GLB1: variants seen among roughly 807,000 people sequenced by gnomAD.
GLB1 encodes the protein beta-galactosidase.
Under a neutral mutation model 74.0 loss-of-function variants are expected in GLB1, and 56 were observed. The ratio of observed to expected loss-of-function variants is 0.76; its 90% CI spans 0.61 to 0.94. The LOEUF is 0.94. GLB1 is among the 40% of genes least tolerant of loss of function. The pLI, the probability that GLB1 is intolerant of heterozygous loss-of-function variation, is 0.00. For missense variants in GLB1, 787 were observed against 845.5 expected (o/e 0.93, Z 0.86); for synonymous variants, 323 against 323.6 (o/e 1.00, Z 0.02).
At position 33,021,392 on chromosome 3, in the gene GLB1, C is replaced by A. The variant is rs13093517; in HGVS notation, c.1233+174G>T. On this transcript the variant is annotated intron_variant, in intron 12 of 15. Coordinates refer to ENST00000307363, the MANE Select transcript of GLB1 (RefSeq NM_000404.4). Reference sequence around the variant, plus strand: ...AAAAAATATAGGCATGATCAGCCCACCACGCAGCACTTCAAGCTAAAGAGA... The same window carrying A: ...AAAAAATATAGGCATGATCAGCCCAACACGCAGCACTTCAAGCTAAAGAGA... 229,782 of 739,456 alleles carry A rather than the reference C, an allele frequency of 0.31. 38,340 individuals are homozygous for A. Among genetic ancestry groups the A allele is most frequent in the Non-Finnish European group, 0.36 (157,621 of 441,574 alleles). 45.8% of individuals were successfully genotyped at this position (739,456 alleles called of 1,614,324 possible).
In GLB1 at chr3:33,014,198, T is replaced by C; in HGVS notation, c.1592A>G (p.Asp531Gly). 1 of 1,614,148 alleles carries C rather than the reference T, an allele frequency of 6.2e-7. No individual in the cohort carries two copies. Among genetic ancestry groups the C allele is most frequent in the Middle Eastern group, 1.6e-4 (1 of 6,062 alleles). The change falls in exon 15 of 16, where the codon GAC (aspartate) becomes GGC (glycine). Residue 531 changes from aspartate to glycine, a missense_variant. Physicochemically the swap from Asp to Gly is moderately conservative, Grantham distance 94. Transcript: ENST00000307363. ...CCAGGCTTCATCATGGTGGCCACTG[T>C]CACGGTGTCCCCAGCCCCCCAGGTG... ...CSHLGGWGHR[D>G]SGHHDEAWAH...
At chr3:33,008,301 G>A (rs1339780359) in intron 15 of GLB1, among the ~76,000 whole-genome samples, 1 of 152,130 alleles carries the variant, frequency 6.6e-6, no homozygotes, top group Non-Finnish European at 1.5e-5. Flanking sequence ...CTGAAAAATG[G>A]GACTCGGCAG....
At chr3:33,025,033 C>T (rs2125480347) in intron 10 of GLB1, among the ~76,000 whole-genome samples, 1 of 152,164 alleles carries the variant, frequency 6.6e-6, no homozygotes, top group Admixed American at 6.5e-5. Context: ...GCAACCTCTG[C>T]CTCCCGGGTT....
chr3:32,986,162 GCT>G, the GLB1 span, among the ~76,000 whole-genome samples: 1 of 152,250 alleles, frequency 6.6e-6, no homozygotes, highest in South Asian at 2.1e-4. Context: ...GGCGGTAGCT[GCT>G]CTGTCGGCTG....
Position 33,093,460 on chromosome 3 carries a change from C to G in GLB1, c.75+3551G>C, listed in dbSNP as rs1299213045. The G allele has an allele frequency of 6.2e-7, 1 of 1,614,004 alleles. No individual in the cohort carries two copies. The highest frequency in any genetic ancestry group is 8.5e-7 in the Non-Finnish European group (1 of 1,180,042). On this transcript the variant is annotated intron_variant, in intron 1 of 15. Coordinates refer to ENST00000307363, the MANE Select transcript of GLB1 (RefSeq NM_000404.4). The surrounding 1 kb of genome is among the most constrained non-coding windows in gnomAD (Gnocchi z 6.0). ...ACCGAGGCTTCTGAGTCGGAGAGGT[C>G]ACCCACAATCACCGTGATGTCTGGT... is the stretch of plus-strand genomic sequence containing the variant.
At chr3:33,020,008 C>T (rs572724713) in intron 12 of GLB1, among the ~76,000 whole-genome samples, 37 of 152,322 alleles carry the variant, frequency 2.4e-4, no homozygotes, top group Admixed American at 9.2e-4. Context: ...TGAGAAAGAA[C>T]AATGGCTGCA....
At chr3:33,042,698 C>G (rs1242792076) in intron 10 of GLB1, among the ~76,000 whole-genome samples, 1 of 152,182 alleles carries the variant, frequency 6.6e-6, no homozygotes, top group Non-Finnish European at 1.5e-5. Context: ...ATTTACTGGG[C>G]TCCAGCCACA....
In GLB1 at chr3:33,065,550, C is replaced by T; in HGVS notation, c.465G>A (p.Leu155=). 1 of 1,574,558 alleles carries T rather than the reference C, an allele frequency of 6.4e-7. No individual in the cohort carries two copies. Among genetic ancestry groups the T allele is most frequent in the Non-Finnish European group, 8.6e-7 (1 of 1,156,792 alleles). The part of the protein sequence containing the change: ...ILLRSSDPDY[L]AAVDKWLGVL... ...CTCCCAACCACTTGTCCACAGCTGC[C>T]AGGTAATCTGGAAAACAAGAAAAGT... The change falls in exon 5 of 16, where the codon CTG becomes CTA. Residue 155 remains leucine (L), a synonymous_variant. Coordinates refer to ENST00000307363, the MANE Select transcript of GLB1 (RefSeq NM_000404.4).
At chr3:32,975,114 C>G in the GLB1 span, among the ~76,000 whole-genome samples, 1 of 152,150 alleles carries the variant, frequency 6.6e-6, no homozygotes, top group East Asian at 1.9e-4. Flanking sequence ...CGGGGTCTCA[C>G]TCTGTCACTC....
chr3:32,966,554 A>T, the GLB1 span, among the ~76,000 whole-genome samples: 1 of 152,108 alleles, frequency 6.6e-6, no homozygotes, highest in Non-Finnish European at 1.5e-5. Context: ...TTGGACTTGG[A>T]CTTTTGCATT....
chr3:33,079,819 T>C (rs949861229), intron 1 of GLB1, among the ~76,000 whole-genome samples: 2 of 152,208 alleles, frequency 1.3e-5, no homozygotes, highest in Non-Finnish European at 2.9e-5. Context: ...TCTTGCTCAG[T>C]TGCTCTGGCT....
rs1700889397 is a variant in GLB1 at position 33,093,985 on chromosome 3, G to A, written c.75+3026C>T. ...GACTCTGCAGCTGGGGAGTGGCAGA[G>A]GTTGCTCACTGTGCTGCGCCAAATG... On this transcript the variant is annotated intron_variant, in intron 1 of 15. Transcript: ENST00000307363. The surrounding 1 kb of genome is among the most constrained non-coding windows in gnomAD (Gnocchi z 6.0). 6.2e-7 allele frequency: 1 copy of A among 1,614,072 alleles called. No homozygotes were observed.
the GLB1 span, among the ~76,000 whole-genome samples, chr3:32,986,929 C>G: frequency 6.6e-6 from 1 of 152,164 alleles, no homozygotes; most frequent in East Asian, 1.9e-4. Context: ...CCCTACTGTT[C>G]ACCTGACCAA....
the GLB1 span, among the ~76,000 whole-genome samples, chr3:32,987,014 T>G: frequency 6.6e-6 from 1 of 152,214 alleles, no homozygotes; most frequent in African/African-American, 2.4e-5. Flanking sequence ...CTTTCCTTTA[T>G]GGACTGGTGT....
the GLB1 span, among the ~76,000 whole-genome samples, chr3:32,967,479 G>T: frequency 1.3e-5 from 2 of 152,226 alleles, no homozygotes; most frequent in Admixed American, 1.3e-4. Context: ...AGGCAGGAGA[G>T]TTGCTTGAAC....
At chr3:32,999,660 G>A (rs1372239275) in intron 15 of GLB1, among the ~76,000 whole-genome samples, 1 of 152,084 alleles carries the variant, frequency 6.6e-6, no homozygotes, top group Non-Finnish European at 1.5e-5. Context: ...TGGGAGGGTG[G>A]AGAGAAGCAG....
At chr3:32,985,975 G>C in the GLB1 span, among the ~76,000 whole-genome samples, 1 of 152,196 alleles carries the variant, frequency 6.6e-6, no homozygotes, top group Non-Finnish European at 1.5e-5. Context: ...TCCTCCCAAA[G>C]TGCTGGGATT....
intron 10 of GLB1, chr3:33,034,437 A>C (rs899672336): frequency 1.4e-6 from 1 of 736,150 alleles, no homozygotes; most frequent in African/African-American, 1.7e-5. Flanking sequence ...AACCTCTTCA[A>C]GGATGGCCAG....
chr3:33,016,901 C>T, intron 13 of GLB1, 61 bp from the exon 14 acceptor site: 1 of 1,599,038 alleles, frequency 6.3e-7, no homozygotes, highest in Non-Finnish European at 8.5e-7. Flanking sequence ...CAAGGAGAGG[C>T]AGCATGCTCA....
Sources: gnomAD v4.1 joint callset for allele counts (sites outside exome capture counted in the v4.1 genomes callset) on GRCh38, gnomAD v4.1.1 for gene constraint, Gnocchi (gnomAD v3.1) non-coding constraint, MANE v1.5 for transcripts, NCBI Gene and HGNC (gene_info 2026-07-23, HGNC 2026-07-21) for gene names.